Variants in F11 observed in about 807,000 individuals in gnomAD.
F11 encodes coagulation factor XI.
A neutral mutation model predicts 76.5 loss-of-function variants in F11; 78 were observed. The ratio of observed to expected loss-of-function variants is 1.02; its 90% CI spans 0.85 to 1.23. The LOEUF is 1.23. Ranked by LOEUF, F11 falls within the 50% of genes most tolerant of loss-of-function variation. The pLI is 0.00. For synonymous variants in F11, 278 were observed against 276.3 expected, an observed-to-expected ratio of 1.01 and a Z score of -0.06; for missense variants, 742 against 771.4, an observed-to-expected ratio of 0.96 and a Z score of 0.45.
Position 186,271,680 on chromosome 4 carries a change from G to T in F11, c.127G>T (p.Ala43Ser). ...CATTACTACGGTCTTCACACCAAGC[G>T]CCAAGTACTGCCAGGTAGTCTGCAC... is the stretch of plus-strand genomic sequence containing the variant. Reference protein sequence around the residue: ...GDITTVFTPSAKYCQVVCTYH... With the variant: ...GDITTVFTPSSKYCQVVCTYH... The change falls in exon 3 of 15, where the codon GCC becomes TCC. Residue 43 changes from alanine to serine, a missense_variant. Coordinates refer to ENST00000403665, the MANE Select transcript of F11 (RefSeq NM_000128.4). The T allele has an allele frequency of 6.2e-7, 1 of 1,614,086 alleles. No individual in the cohort carries two copies. Among genetic ancestry groups the T allele is most frequent in the African/African-American group, 1.3e-5 (1 of 75,012 alleles).
At position 186,288,862 on chromosome 4, in the gene F11, A is replaced by C. The variant is rs1274148979; in HGVS notation, c.*248A>C. On this transcript the variant is annotated 3_prime_UTR_variant, in exon 15 of 15. Coordinates refer to ENST00000403665, the MANE Select transcript of F11 (RefSeq NM_000128.4). Reference sequence around the variant, plus strand: ...TGATCACGCTTCTATGGAGTCCAAGAATTACCATAAGGCAATATTTCTGAA... The same window carrying C: ...TGATCACGCTTCTATGGAGTCCAAGCATTACCATAAGGCAATATTTCTGAA... 4.1e-6 allele frequency: 2 copies of C among 484,138 alleles called. No homozygotes were observed. Among genetic ancestry groups the C allele is most frequent in the Middle Eastern group, 6.0e-4 (1 of 1,660 alleles). 30.0% of individuals were successfully genotyped at this position (484,138 alleles called of 1,614,324 possible). A position where few individuals can be genotyped will look rare whatever the true frequency, so the allele number is the denominator to read the frequency against.
rs558079340 is a variant in F11, at chr4:186,289,436, A to G, written c.*822A>G. Among the ~76,000 whole-genome samples the G allele has an allele frequency of 7.3e-4, 111 of 152,326 alleles. No homozygotes were observed. The Middle Eastern group carries it at 0.014, about 19-fold the overall frequency. ...ATGGGCTCCCAAAGAGCTAGATCGT[A>G]TATTTATTTGACAAAAATCACCATA... On this transcript the variant is annotated 3_prime_UTR_variant, in exon 15 of 15. Transcript: ENST00000403665.
intron 2 of F11, among the ~76,000 whole-genome samples, chr4:186,270,077 C>T (rs759960042): frequency 1.3e-5 from 2 of 152,068 alleles, no homozygotes; most frequent in East Asian, 1.9e-4. Flanking sequence ...AAAAGGAAAA[C>T]GATTAGGAGG....
In F11 at chr4:186,287,591, A is replaced by AATAT. The variant is rs377566180; in HGVS notation, c.1577-78_1577-75dup. The AATAT allele has an allele frequency of 0.012, 5,021 of 424,550 alleles. 204 individuals carry two copies. Among genetic ancestry groups the AATAT allele is most frequent in the African/African-American group, 0.089 (3,953 of 44,412 alleles). The allele number at this position is 424,550 out of a possible 1,614,324, so 26.3% of individuals were successfully genotyped here. On this transcript the variant is annotated intron_variant, in intron 13 of 14. Coordinates refer to ENST00000403665, the MANE Select transcript of F11 (RefSeq NM_000128.4). ...AGAAAGAGACTCCGTCTCAATTAAA[A>AATAT]ATATATATATATATATATTTATATG...
chr4:186,280,029 A>G lies in F11; in HGVS notation c.773A>G (p.Lys258Arg), dbSNP rs1412304044. 6.2e-7 allele frequency: 1 copy of G among 1,613,866 alleles called. No individual in the cohort carries two copies. Among genetic ancestry groups the G allele is most frequent in the South Asian group, 1.1e-5 (1 of 91,076 alleles). ...KESQRNLCLL[K>R]TSESGLPSTR... is the part of the protein sequence containing the mutation. Reference sequence around the variant, plus strand: ...TTTGTTAGAAATCTTTGTCTCCTTAAAACATCTGAGAGTGGATTGCCCAGT... The same window carrying G: ...TTTGTTAGAAATCTTTGTCTCCTTAGAACATCTGAGAGTGGATTGCCCAGT... The change falls in exon 8 of 15, where the codon AAA becomes AGA. Residue 258 changes from lysine to arginine, a missense_variant. By Grantham distance (26) the Lys-to-Arg change is conservative. Transcript: ENST00000403665.
intron 13 of F11, 93 bp from the exon 14 acceptor site, chr4:186,287,591 A>ATAT (rs1554083992): frequency 7.1e-6 from 3 of 424,778 alleles, no homozygotes; most frequent in Admixed American, 5.3e-5. Flanking sequence ...CTCAATTAAA[A>ATAT]ATATATATAT....
At chr4:186,285,990 T>C (rs1054590960) in intron 12 of F11, 177 bp downstream of exon 12, 41 of 724,438 alleles carry the variant, frequency 5.7e-5, no homozygotes, top group Admixed American at 7.0e-5. Flanking sequence ...TCCTGGCTAT[T>C]GAAACTTATT....
At chr4:186,269,532 G>A (rs1225172233) in intron 2 of F11, among the ~76,000 whole-genome samples, 1 of 152,238 alleles carries the variant, frequency 6.6e-6, no homozygotes, top group African/African-American at 2.4e-5. Context: ...ACTGATAGGA[G>A]GTACTTAGGG....
chr4:186,283,657 G>C (rs116349909), intron 10 of F11, among the ~76,000 whole-genome samples: 1 of 152,314 alleles, frequency 6.6e-6, no homozygotes, highest in East Asian at 1.9e-4. Flanking sequence ...GTTCTCAAAC[G>C]CCAGCAGGGC....
chr4:186,288,006 G>A (rs968573295), intron 14 of F11, among the ~76,000 whole-genome samples, 183 bp downstream of exon 14: 3 of 151,612 alleles, frequency 2.0e-5, no homozygotes, highest in Non-Finnish European at 2.9e-5. Flanking sequence ...CCAGGTTCAC[G>A]CCATTCTCCT....
chr4:186,276,618 G>A (rs1215420168), intron 7 of F11, among the ~76,000 whole-genome samples: 2 of 118,926 alleles, frequency 1.7e-5, no homozygotes, highest in Admixed American at 1.2e-4. Context: ...ATGGAGTCTC[G>A]CTCTGCTGCC....
Position 186,289,030 on chromosome 4 carries a change from TTC to T in F11, c.*417_*418del. 5.0e-6 allele frequency: 1 copy of T among 199,050 alleles called. No homozygotes were observed. The allele number at this position is 199,050 out of a possible 1,614,324, so 12.3% of individuals were successfully genotyped here. A position where few individuals can be genotyped will look rare whatever the true frequency, so the allele number is the denominator to read the frequency against. ...GGAAGAAAGGAGAACAAAGACAGTCTTCACCATTTTGCAGGAATCTACACTCT... is the reference window on the plus strand; with the variant it reads ...GGAAGAAAGGAGAACAAAGACAGTCTACCATTTTGCAGGAATCTACACTCT... On this transcript the variant is annotated 3_prime_UTR_variant, in exon 15 of 15. Coordinates refer to ENST00000403665, the MANE Select transcript of F11 (RefSeq NM_000128.4).
At chr4:186,287,261 C>A (rs984004106) in intron 13 of F11, among the ~76,000 whole-genome samples, 3 of 151,698 alleles carry the variant, frequency 2.0e-5, no homozygotes, top group Non-Finnish European at 2.9e-5. Context: ...GGCGTGAGCC[C>A]CCACACCCGT....
chr4:186,275,302 C>G, intron 5 of F11: 1 of 391,574 alleles, frequency 2.6e-6, no homozygotes, highest in Non-Finnish European at 5.0e-6. Context: ...ACCAGCCTGA[C>G]CAATATGGTG....
intron 2 of F11, 75 bp downstream of exon 2, chr4:186,267,266 C>A: frequency 1.1e-6 from 1 of 921,988 alleles, no homozygotes; most frequent in South Asian, 1.3e-5. Context: ...GTGGGAGAAT[C>A]CCACACCATT....
In F11 at chr4:186,289,211, A is replaced by G. The variant is rs1190970607; in HGVS notation, c.*597A>G. Among the ~76,000 whole-genome samples the G allele has an allele frequency of 6.6e-6, 1 of 152,238 alleles. No individual in the cohort carries two copies. Among genetic ancestry groups the G allele is most frequent in the Non-Finnish European group, 1.5e-5 (1 of 68,046 alleles). On this transcript the variant is annotated 3_prime_UTR_variant, in exon 15 of 15. Coordinates refer to ENST00000403665, the MANE Select transcript of F11 (RefSeq NM_000128.4). ...ACACGAGCTAAGAGTGAATGTGAAG[A>G]TAACAGAATTTCTGTGTGGAAGAGG...
intron 4 of F11, among the ~76,000 whole-genome samples, chr4:186,273,650 A>G (rs1489540586): frequency 1.3e-5 from 2 of 152,092 alleles, no homozygotes; most frequent in Non-Finnish European, 2.9e-5. Context: ...ACAGGGTCTC[A>G]CTGTATTGCC....
rs555668089 is a variant in F11, at chr4:186,289,516, G to A, written c.*902G>A. 9.9e-5 allele frequency among the ~76,000 whole-genome samples: 15 copies of A among 152,260 alleles called. No individual in the cohort carries two copies. Among genetic ancestry groups the A allele is most frequent in the Admixed American group, 2.0e-4 (3 of 15,294 alleles). ...ATTAGGGCGCAAATGGATAGTTACAGTAAAGTCTTCAGCAAGCAGCTGCCT... is the reference window on the plus strand; with the variant it reads ...ATTAGGGCGCAAATGGATAGTTACAATAAAGTCTTCAGCAAGCAGCTGCCT... On this transcript the variant is annotated 3_prime_UTR_variant, in exon 15 of 15. Coordinates refer to ENST00000403665, the MANE Select transcript of F11 (RefSeq NM_000128.4).
chr4:186,290,578 C>A (rs570355543), downstream of F11, among the ~76,000 whole-genome samples: 3 of 152,292 alleles, frequency 2.0e-5, no homozygotes, highest in South Asian at 6.2e-4. Context: ...GAGAAAAACA[C>A]ATATTTCTGT....
Sources: allele counts gnomAD v4.1 joint callset (sites outside exome capture counted in the v4.1 genomes callset), GRCh38; gene constraint gnomAD v4.1.1; transcripts MANE v1.5; gene names NCBI Gene and HGNC (gene_info 2026-07-23, HGNC 2026-07-21).